The following LAPTM4B variants were observed in gnomAD, a reference collection of about 807,000 sequenced individuals.
LAPTM4B encodes the protein lysosomal protein transmembrane 4 beta.
Under a neutral mutation model 28.5 loss-of-function variants are expected in LAPTM4B, and 26 were observed. The observed-to-expected ratio is 0.91, with a 90% CI of 0.67 to 1.27. The LOEUF is 1.27. Ranked by LOEUF, LAPTM4B falls within the 50% of genes most tolerant of loss-of-function variation. The probability of loss-of-function intolerance (pLI) is 0.00; values close to 1 mark genes in which losing one functional copy is unlikely to be tolerated. For synonymous variants in LAPTM4B, 109 were observed against 106.4 expected (o/e 1.02, Z -0.15); for missense variants, 288 against 285.8 (o/e 1.01, Z -0.06).
chr8:97,784,281 T>C (rs1031063584), intron 1 of LAPTM4B, among the ~76,000 whole-genome samples: 3 of 152,216 alleles, frequency 2.0e-5, no homozygotes, highest in Non-Finnish European at 4.4e-5. Flanking sequence ...GGCAATTGTG[T>C]CATCTTTATT....
In LAPTM4B at chr8:97,833,083, C is replaced by T. The variant is rs550016122; in HGVS notation, c.603+7930C>T. ...GCACAGTGGCTCACACCTGTAATCC[C>T]AGCACTTCGGGAGGCCGAGGTGGGT... On this transcript the variant is annotated intron_variant, in intron 6 of 6. Transcript: ENST00000521545. 2.9e-3 allele frequency among the ~76,000 whole-genome samples: 442 copies of T among 151,570 alleles called. 1 individual carries two copies. The highest frequency in any genetic ancestry group is 2.9e-3 in the Non-Finnish European group (197 of 67,864).
chr8:97,844,255 G>A (rs1000644427), intron 6 of LAPTM4B, among the ~76,000 whole-genome samples: 1 of 152,058 alleles, frequency 6.6e-6, no homozygotes, highest in South Asian at 2.1e-4. Context: ...ACCACACCCA[G>A]CTAATTTTTC....
chr8:97,827,607 G>A lies in LAPTM4B; in HGVS notation c.603+2454G>A, dbSNP rs570386571. Among the ~76,000 whole-genome samples the A allele has an allele frequency of 4.6e-5, 7 of 152,308 alleles. No individual in the cohort carries two copies. In the South Asian group the frequency reaches 1.5e-3, roughly 32 times the overall value. ...TTGCAGAGTGTTGGAGTGGGGAGGG[G>A]ACACTTTTGGGGATTGAGCCCTTAA... On this transcript the variant is annotated intron_variant, in intron 6 of 6. Transcript: ENST00000521545.
intron 1 of LAPTM4B, among the ~76,000 whole-genome samples, chr8:97,780,065 AAAAG>A (rs1816285361): frequency 6.6e-6 from 1 of 150,752 alleles, no homozygotes; most frequent in African/African-American, 2.4e-5. Flanking sequence ...AAAAAAAAAA[AAAAG>A]AAAAGTAAAA....
intron 1 of LAPTM4B, among the ~76,000 whole-genome samples, chr8:97,800,022 C>T (rs1274810806): frequency 3.3e-5 from 5 of 152,312 alleles, no homozygotes; most frequent in East Asian, 1.9e-4. Context: ...GACTGTAACT[C>T]TCCTTAACTT....
chr8:97,814,408 G>C (rs1429418585), intron 2 of LAPTM4B, among the ~76,000 whole-genome samples: 1 of 152,062 alleles, frequency 6.6e-6, no homozygotes, highest in Non-Finnish European at 1.5e-5. Context: ...TAGGGGGTGA[G>C]GTGGGAGACT....
At chr8:97,799,921 G>T (rs949866478) in intron 1 of LAPTM4B, among the ~76,000 whole-genome samples, 2 of 152,094 alleles carry the variant, frequency 1.3e-5, no homozygotes, top group Non-Finnish European at 2.9e-5. Flanking sequence ...ACTTGGAATT[G>T]TTCTTTTCCA....
At position 97,775,958 on chromosome 8, in the gene LAPTM4B, GTCGAC is replaced by G. The variant is rs763075665; in HGVS notation, c.-51_-47del. 48 of 1,519,736 alleles carry G rather than the reference GTCGAC, an allele frequency of 3.2e-5. No homozygotes were observed. Among genetic ancestry groups the G allele is most frequent in the South Asian group, 1.1e-4 (9 of 81,006 alleles). The allele number at this position is 1,519,736 out of a possible 1,614,324, so 94.1% of individuals were successfully genotyped here. A position where few individuals can be genotyped will look rare whatever the true frequency, so the allele number is the denominator to read the frequency against. ...GGCGCGGCGGGCTCCAGGCGAGGCG[GTCGAC>G]GCTCCTGAAAACTTGCGCGCGCGCT... is the stretch of plus-strand genomic sequence containing the variant. On this transcript the variant is annotated 5_prime_UTR_variant, in exon 1 of 7. Coordinates refer to ENST00000521545, the MANE Select transcript of LAPTM4B (RefSeq NM_018407.6).
At chr8:97,802,511 A>G (rs1472608646) in intron 1 of LAPTM4B, among the ~76,000 whole-genome samples, 1 of 152,164 alleles carries the variant, frequency 6.6e-6, no homozygotes, top group African/African-American at 2.4e-5. Flanking sequence ...TTTTGTCACC[A>G]TCTTGGTTTT....
At chr8:97,810,282 A>G (rs1816807684) in intron 2 of LAPTM4B, among the ~76,000 whole-genome samples, 7 of 152,200 alleles carry the variant, frequency 4.6e-5, no homozygotes, top group Admixed American at 4.6e-4. Context: ...ACTGGCATAG[A>G]TTGGAGGAGA....
chr8:97,810,687 T>C (rs1422986440), intron 2 of LAPTM4B, among the ~76,000 whole-genome samples: 2 of 152,230 alleles, frequency 1.3e-5, no homozygotes, highest in African/African-American at 4.8e-5. Flanking sequence ...AAATTTTGTT[T>C]GGCAAAGAAT....
rs113397617 is a variant in LAPTM4B, at chr8:97,800,232, A to G, written c.100-5121A>G. ...AATAATAAGCGGATTAAGAGTTGAC[A>G]GGTCCCTAGGGACTGAGAGTGCGGG... On this transcript the variant is annotated intron_variant, in intron 1 of 6. Transcript: ENST00000521545. 7.4e-4 allele frequency among the ~76,000 whole-genome samples: 112 copies of G among 152,308 alleles called. 1 individual carries two copies. Among genetic ancestry groups the G allele is most frequent in the African/African-American group, 2.6e-3 (106 of 41,556 alleles).
chr8:97,817,890 T>C (rs1312505500), intron 4 of LAPTM4B, among the ~76,000 whole-genome samples: 1 of 151,652 alleles, frequency 6.6e-6, no homozygotes, highest in Non-Finnish European at 1.5e-5. Flanking sequence ...ATGCCCAGCC[T>C]GCAACCTCAA....
At chr8:97,810,742 TCATC>T (rs1381298994) in intron 2 of LAPTM4B, among the ~76,000 whole-genome samples, 1 of 152,240 alleles carries the variant, frequency 6.6e-6, no homozygotes, top group Non-Finnish European at 1.5e-5. Context: ...AAACAGGAGT[TCATC>T]CATATTTCTA....
intron 6 of LAPTM4B, among the ~76,000 whole-genome samples, chr8:97,848,911 T>C (rs1008382574): frequency 4.6e-5 from 7 of 152,106 alleles, no homozygotes; most frequent in African/African-American, 1.7e-4. Flanking sequence ...AGCTGTTGCT[T>C]TGTTTTAGAG....
At chr8:97,799,836 C>T (rs1329235049) in intron 1 of LAPTM4B, among the ~76,000 whole-genome samples, 2 of 152,244 alleles carry the variant, frequency 1.3e-5, no homozygotes, top group Admixed American at 1.3e-4. Flanking sequence ...CTTTTATACC[C>T]CCTGACCCTG....
At position 97,810,356 on chromosome 8, in the gene LAPTM4B, G is replaced by A. The variant is rs373327507; in HGVS notation, c.211+4892G>A. 1.3e-4 allele frequency among the ~76,000 whole-genome samples: 20 copies of A among 151,090 alleles called. No individual in the cohort carries two copies. The South Asian group carries it at 4.0e-3, about 30-fold the overall frequency. ...GGAAAAGAAAAAGGACATTGAAGGG[G>A]AACAGGTAAAATTCAAATTAGTTGT... On this transcript the variant is annotated intron_variant, in intron 2 of 6. Coordinates refer to ENST00000521545, the MANE Select transcript of LAPTM4B (RefSeq NM_018407.6).
chr8:97,787,865 C>T (rs1816430225), intron 1 of LAPTM4B, among the ~76,000 whole-genome samples: 1 of 152,056 alleles, frequency 6.6e-6, no homozygotes, highest in Non-Finnish European at 1.5e-5. Context: ...CAGAGTCTCA[C>T]TTTGTCGCCC....
intron 1 of LAPTM4B, among the ~76,000 whole-genome samples, chr8:97,799,112 C>T (rs549994937): frequency 6.6e-6 from 1 of 152,152 alleles, no homozygotes; most frequent in African/African-American, 2.4e-5. Context: ...AACCTTGGCT[C>T]TCCCACACAT....
Sources: allele counts gnomAD v4.1 joint callset (sites outside exome capture counted in the v4.1 genomes callset), GRCh38; gene constraint gnomAD v4.1.1; transcripts MANE v1.5; gene names NCBI Gene and HGNC (gene_info 2026-07-23, HGNC 2026-07-21).